The following CPQ variants were observed in gnomAD, a reference collection of about 807,000 sequenced individuals.
The protein encoded by CPQ is Ser-Met dipeptidase.
In CPQ, 37 loss-of-function variants were observed where a neutral mutation model predicts 45.7. The ratio of observed to expected loss-of-function variants is 0.81; its 90% CI spans 0.62 to 1.07. The LOEUF (loss-of-function observed/expected upper bound fraction) is 1.07. Ranked by LOEUF, CPQ falls within the 50% of genes least tolerant of loss-of-function variation. The pLI, the probability that CPQ is intolerant of heterozygous loss-of-function variation, is 0.00. For synonymous variants in CPQ, 186 were observed against 205.8 expected (o/e 0.90, Z 0.82); for missense variants, 537 against 572.9 (o/e 0.94, Z 0.64).
intron 5 of CPQ, among the ~76,000 whole-genome samples, chr8:96,971,680 G>A (rs926091288): frequency 5.9e-5 from 9 of 152,144 alleles, no homozygotes; most frequent in Non-Finnish European, 1.2e-4. Context: ...GTCTGAAGCT[G>A]TGTTTTAAGT....
chr8:96,953,099 G>A (rs1208183701), intron 4 of CPQ, among the ~76,000 whole-genome samples: 1 of 152,088 alleles, frequency 6.6e-6, no homozygotes, highest in African/African-American at 2.4e-5. Context: ...GGTTCCAGTT[G>A]AAGAGCAGCA....
At position 96,838,657 on chromosome 8, in the gene CPQ, C is replaced by T. The variant is rs760947577; in HGVS notation, c.641+3477C>T. 4.0e-5 allele frequency among the ~76,000 whole-genome samples: 6 copies of T among 151,814 alleles called. No homozygotes were observed. In the East Asian group the frequency reaches 7.7e-4, roughly 20 times the overall value. On this transcript the variant is annotated intron_variant, in intron 3 of 7. Transcript: ENST00000220763. Reference sequence around the variant, plus strand: ...CTAAGTTCCAGAAAGACATTGATTACGTGTATTTTTTAACCTCTGGATTCC... The same window carrying T: ...CTAAGTTCCAGAAAGACATTGATTATGTGTATTTTTTAACCTCTGGATTCC...
chr8:96,936,451 A>G (rs558080292), intron 4 of CPQ, among the ~76,000 whole-genome samples: 3 of 152,360 alleles, frequency 2.0e-5, no homozygotes, highest in South Asian at 4.1e-4. Context: ...CACAGAATTC[A>G]GTAAGGCCAT....
chr8:97,040,287 A>T (rs1249665650), intron 6 of CPQ, among the ~76,000 whole-genome samples: 1 of 152,168 alleles, frequency 6.6e-6, no homozygotes, highest in Non-Finnish European at 1.5e-5. Context: ...TCTTCTTTTG[A>T]GAAGTGTCTG....
chr8:96,862,261 G>A (rs1811935353), intron 3 of CPQ, among the ~76,000 whole-genome samples: 1 of 150,826 alleles, frequency 6.6e-6, no homozygotes, highest in Admixed American at 6.6e-5. Context: ...TTAATATGGG[G>A]ACAATAATAT....
At chr8:96,958,457 C>A (rs201640098) in intron 4 of CPQ, among the ~76,000 whole-genome samples, 1 of 127,152 alleles carries the variant, frequency 7.9e-6, no homozygotes, top group African/African-American at 3.4e-5. Context: ...TACTTAAGAT[C>A]ATCTCCAGTT....
intron 1 of CPQ, among the ~76,000 whole-genome samples, chr8:96,730,054 G>C (rs773918758): frequency 1.3e-5 from 2 of 152,202 alleles, no homozygotes; most frequent in Non-Finnish European, 2.9e-5. Context: ...TCGAAAATGA[G>C]GGAGGTAAAC....
chr8:97,067,783 A>G (rs1289699095), intron 7 of CPQ, among the ~76,000 whole-genome samples: 1 of 152,206 alleles, frequency 6.6e-6, no homozygotes, highest in Non-Finnish European at 1.5e-5. Context: ...TTCCATTTAC[A>G]ATGCTGTACT....
chr8:96,926,576 C>CTTCT (rs1812882233), intron 4 of CPQ, among the ~76,000 whole-genome samples: 1,544 of 74,998 alleles, frequency 0.021, 38 homozygotes, highest in Middle Eastern at 0.042. Context: ...CTTCCTCTTC[C>CTTCT]TCTTCTTCTT....
At chr8:96,712,801 C>T (rs964070541) in intron 1 of CPQ, among the ~76,000 whole-genome samples, 3 of 151,860 alleles carry the variant, frequency 2.0e-5, no homozygotes, top group East Asian at 1.9e-4. Context: ...ACATTTTTCC[C>T]GTTGTCTTGA....
At chr8:97,020,141 T>A (rs28749318) in intron 5 of CPQ, among the ~76,000 whole-genome samples, 13,257 of 152,032 alleles carry the variant, frequency 0.087, 1,168 homozygotes, top group African/African-American at 0.23. Flanking sequence ...GGGTCAAAAT[T>A]GAAATCAAGA....
intron 3 of CPQ, among the ~76,000 whole-genome samples, chr8:96,863,181 A>G (rs1811952344): frequency 6.6e-6 from 1 of 152,118 alleles, no homozygotes; most frequent in Admixed American, 6.6e-5. Context: ...ATTTCAAGCC[A>G]GTAGCCATTA....
chr8:96,861,960 A>G (rs2130867680), intron 3 of CPQ, among the ~76,000 whole-genome samples: 1 of 152,248 alleles, frequency 6.6e-6, no homozygotes. Context: ...TGAAGGAGAT[A>G]GTATGCTAAC....
At chr8:96,909,813 G>A (rs965624232) in intron 4 of CPQ, among the ~76,000 whole-genome samples, 1 of 152,172 alleles carries the variant, frequency 6.6e-6, no homozygotes, top group Non-Finnish European at 1.5e-5. Context: ...CTGAAGACAT[G>A]TTTAACCCAG....
intron 4 of CPQ, among the ~76,000 whole-genome samples, chr8:96,955,820 T>C (rs974286801): frequency 6.6e-6 from 1 of 152,180 alleles, no homozygotes; most frequent in Non-Finnish European, 1.5e-5. Flanking sequence ...TGGCTAGCCA[T>C]GTGCAGAAAG....
chr8:96,969,868 G>A (rs1026092087), intron 5 of CPQ, among the ~76,000 whole-genome samples: 3 of 152,094 alleles, frequency 2.0e-5, no homozygotes, highest in African/African-American at 7.2e-5. Context: ...AAGAGTTTTG[G>A]TATTGTCATT....
chr8:96,931,806 T>G (rs527349022), intron 4 of CPQ, among the ~76,000 whole-genome samples: 11 of 152,280 alleles, frequency 7.2e-5, no homozygotes, highest in African/African-American at 2.6e-4. Flanking sequence ...CTTCATTTGG[T>G]AGGGCTGGGA....
At chr8:96,724,868 G>T (rs1404198386) in intron 1 of CPQ, among the ~76,000 whole-genome samples, 1 of 151,848 alleles carries the variant, frequency 6.6e-6, no homozygotes, top group Non-Finnish European at 1.5e-5. Context: ...CTATAAGGTA[G>T]TGGTACAAAA....
chr8:97,128,332 C>T (rs1282217674), intron 7 of CPQ, among the ~76,000 whole-genome samples: 3 of 152,160 alleles, frequency 2.0e-5, no homozygotes, highest in Admixed American at 2.0e-4. Context: ...TCCTAGCTCT[C>T]CTATTTGGGC....
Sources: allele counts gnomAD v4.1 joint callset (sites outside exome capture counted in the v4.1 genomes callset), GRCh38; gene constraint gnomAD v4.1.1; transcripts MANE v1.5; gene names NCBI Gene and HGNC (gene_info 2026-07-23, HGNC 2026-07-21).